The following GRID2 variants were observed in gnomAD, a reference collection of about 807,000 sequenced individuals.
GRID2 encodes the protein glutamate ionotropic receptor delta type subunit 2.
In GRID2, 33 loss-of-function variants were observed where a neutral mutation model predicts 114.8. That is an observed-to-expected ratio of 0.29 (90% CI 0.22 to 0.38). The LOEUF is 0.38. Ranked by LOEUF, GRID2 falls within the 10% of genes least tolerant of loss-of-function variation. The pLI, the probability that GRID2 is intolerant of heterozygous loss-of-function variation, is 1.00. For synonymous variants in GRID2, 505 were observed against 449.9 expected (o/e 1.12, Z -1.55); for missense variants, 1,184 against 1,257.7 (o/e 0.94, Z 0.89).
At chr4:92,792,998 C>A (rs539108727) in intron 2 of GRID2, among the ~76,000 whole-genome samples, 1 of 150,926 alleles carries the variant, frequency 6.6e-6, no homozygotes, top group Admixed American at 6.6e-5. Flanking sequence ...TCCTACATTA[C>A]CTTCTTAGAT....
At chr4:93,301,688 T>C (rs1244020418) in intron 8 of GRID2, among the ~76,000 whole-genome samples, 1 of 152,186 alleles carries the variant, frequency 6.6e-6, no homozygotes, top group South Asian at 2.1e-4. Context: ...AGTTACATAA[T>C]CCTACGTATT....
intron 1 of GRID2, among the ~76,000 whole-genome samples, chr4:92,581,848 C>T (rs908207929): frequency 2.6e-5 from 4 of 152,086 alleles, no homozygotes; most frequent in Non-Finnish European, 5.9e-5. Context: ...TCAAGGATTT[C>T]TGTATAATCA....
At chr4:92,729,505 T>C (rs1243674863) in intron 2 of GRID2, among the ~76,000 whole-genome samples, 1 of 152,078 alleles carries the variant, frequency 6.6e-6, no homozygotes, top group Admixed American at 6.6e-5. Flanking sequence ...GTCACTTCTA[T>C]GGGATAAGAA....
intron 8 of GRID2, among the ~76,000 whole-genome samples, chr4:93,299,954 A>G (rs1471224242): frequency 6.6e-6 from 1 of 152,182 alleles, no homozygotes; most frequent in Non-Finnish European, 1.5e-5. Context: ...ACCTCTGCAA[A>G]TACCCAAATC....
intron 13 of GRID2, among the ~76,000 whole-genome samples, chr4:93,581,692 T>C (rs768399166): frequency 1.2e-4 from 18 of 152,122 alleles, no homozygotes; most frequent in Non-Finnish European, 2.5e-4. Flanking sequence ...AAATTCTATG[T>C]CTGCTAATTA....
At chr4:93,423,586 A>C (rs1210421493) in intron 10 of GRID2, among the ~76,000 whole-genome samples, 1 of 151,908 alleles carries the variant, frequency 6.6e-6, no homozygotes, top group Non-Finnish European at 1.5e-5. Context: ...CTTTTTAAAA[A>C]TGTGATGTTA....
intron 12 of GRID2, among the ~76,000 whole-genome samples, chr4:93,507,950 A>T (rs1440047999): frequency 1.3e-5 from 2 of 152,092 alleles, no homozygotes; most frequent in African/African-American, 4.8e-5. Context: ...TTCTTTAAAA[A>T]TGAACAATGA....
At chr4:93,626,178 T>C (rs1742711698) in intron 13 of GRID2, 91 bp from the exon 14 acceptor site, 1 of 646,786 alleles carries the variant, frequency 1.5e-6, no homozygotes, top group African/African-American at 1.8e-5. Context: ...TAATTAAATA[T>C]ATACCAATGT....
At chr4:92,548,553 C>A (rs1726402411) in intron 1 of GRID2, among the ~76,000 whole-genome samples, 1 of 151,580 alleles carries the variant, frequency 6.6e-6, no homozygotes, top group African/African-American at 2.4e-5. Flanking sequence ...AGGCACTCTC[C>A]TGGCTAATTT....
intron 4 of GRID2, among the ~76,000 whole-genome samples, chr4:93,186,943 A>G (rs138900110): frequency 8.5e-5 from 13 of 152,298 alleles, no homozygotes; most frequent in African/African-American, 2.6e-4. Context: ...CAAGGCACCA[A>G]CAGATTGGGT....
Position 92,474,824 on chromosome 4 carries a change from G to GT in GRID2, c.89-115300dup, listed in dbSNP as rs549758332. Among the ~76,000 whole-genome samples the GT allele has an allele frequency of 1.5e-4, 23 of 151,642 alleles. No individual in the cohort carries two copies. In the East Asian group the frequency reaches 1.7e-3, roughly 11 times the overall value. On this transcript the variant is annotated intron_variant, in intron 1 of 15. Coordinates refer to ENST00000282020, the MANE Select transcript of GRID2 (RefSeq NM_001510.4). ...CTTCTTTGGAGAAATATCAATTTAG[G>GT]TTTTTTTCTTTATTTTTTCCTGAGT...
chr4:92,908,226 T>C, intron 2 of GRID2, among the ~76,000 whole-genome samples: 1 of 152,148 alleles, frequency 6.6e-6, no homozygotes, highest in South Asian at 2.1e-4. Context: ...CAGAGATAAG[T>C]ACTAGTTTCC....
intron 2 of GRID2, among the ~76,000 whole-genome samples, chr4:92,892,030 G>C (rs1746822482): frequency 6.6e-6 from 1 of 151,630 alleles, no homozygotes; most frequent in African/African-American, 2.4e-5. Flanking sequence ...AATTATATTT[G>C]ATTATGAAAA....
intron 12 of GRID2, among the ~76,000 whole-genome samples, chr4:93,503,495 T>G (rs1728333636): frequency 1.0e-5 from 1 of 100,148 alleles, no homozygotes; most frequent in Admixed American, 1.4e-4. Flanking sequence ...CCCACAACAG[T>G]CCTCGGTGTG....
At chr4:93,418,281 C>T (rs567646165) in intron 9 of GRID2, among the ~76,000 whole-genome samples, 2 of 151,812 alleles carry the variant, frequency 1.3e-5, no homozygotes, top group Admixed American at 1.3e-4. Context: ...ATTTTCTATC[C>T]TCTTGTTTAT....
chr4:93,214,390 C>T (rs1032740062), intron 5 of GRID2, among the ~76,000 whole-genome samples: 1 of 151,972 alleles, frequency 6.6e-6, no homozygotes, highest in African/African-American at 2.4e-5. Flanking sequence ...GTTTATATAA[C>T]TTTGCATCTG....
intron 2 of GRID2, among the ~76,000 whole-genome samples, chr4:92,942,999 A>G (rs904385845): frequency 6.6e-6 from 1 of 152,024 alleles, no homozygotes; most frequent in Non-Finnish European, 1.5e-5. Flanking sequence ...GGCTGCCCTT[A>G]ACTTTATTTC....
chr4:93,645,623 T>A (rs1353780785), intron 14 of GRID2, among the ~76,000 whole-genome samples: 3 of 152,278 alleles, frequency 2.0e-5, no homozygotes, highest in Admixed American at 1.3e-4. Context: ...ATGTTGCCTG[T>A]CTCCTGGATA....
intron 1 of GRID2, among the ~76,000 whole-genome samples, chr4:92,465,834 T>C (rs1222290805): frequency 6.6e-6 from 1 of 151,946 alleles, no homozygotes; most frequent in Non-Finnish European, 1.5e-5. Context: ...CTAACATGTT[T>C]GCATAAATCC....
Sources: allele counts gnomAD v4.1 joint callset (sites outside exome capture counted in the v4.1 genomes callset), GRCh38; gene constraint gnomAD v4.1.1; transcripts MANE v1.5; gene names NCBI Gene and HGNC (gene_info 2026-07-23, HGNC 2026-07-21).